The following ATP2C1 variants were observed in gnomAD, a reference collection of about 807,000 sequenced individuals.
ATP2C1 encodes the protein calcium-transporting ATPase type 2C member 1.
Under a neutral mutation model 120.5 loss-of-function variants are expected in ATP2C1, and 31 were observed. The observed-to-expected ratio is 0.26, with a 90% CI of 0.19 to 0.35. The LOEUF is 0.35. Among genes scored for constraint, ATP2C1 ranks in the 10% least tolerant of loss-of-function variants. ATP2C1 has a pLI of 1.00. For missense variants in ATP2C1, 731 were observed against 1,107.5 expected, an observed-to-expected ratio of 0.66 and a Z score of 4.83; for synonymous variants, 351 against 358.7, an observed-to-expected ratio of 0.98 and a Z score of 0.24.
chr3:130,951,479 T>C (rs1287176431), intron 8 of ATP2C1, among the ~76,000 whole-genome samples: 6 of 152,130 alleles, frequency 3.9e-5, no homozygotes, highest in Non-Finnish European at 4.4e-5. Context: ...AGCAATGAAA[T>C]GTCAGCTGAT....
Position 130,964,021 on chromosome 3 carries a change from C to T in ATP2C1, c.950C>T (p.Thr317Met), listed in dbSNP as rs1368094340. The T allele has an allele frequency of 5.0e-6, 8 of 1,612,730 alleles. No homozygotes were observed. Among genetic ancestry groups the T allele is most frequent in the East Asian group, 2.2e-5 (1 of 44,840 alleles). Reference protein sequence around the residue: ...PEGLPIVVTVTLALGVMRMVK... With the variant: ...PEGLPIVVTVMLALGVMRMVK... ...GGTCTCCCCATTGTGGTCACAGTGA[C>T]GCTAGCTCTTGGTGTTATGAGAATG... The change falls in exon 13 of 28, where the codon ACG (threonine) becomes ATG (methionine). Residue 317 changes from threonine to methionine, a missense_variant. By Grantham distance (81) the Thr-to-Met change is moderately conservative. Around this residue, in one of 3 missense-constraint regions of ATP2C1, gnomAD observed 571 missense variants for 845.9 expected, o/e 0.67. Transcript: ENST00000510168.
chr3:130,855,576 G>T (rs1011971613), intron 1 of ATP2C1, among the ~76,000 whole-genome samples: 1 of 152,076 alleles, frequency 6.6e-6, no homozygotes, highest in Non-Finnish European at 1.5e-5. Context: ...GCCCAAGCTC[G>T]CATGGCTCAT....
At chr3:130,927,143 G>A (rs2059246266) in intron 2 of ATP2C1, among the ~76,000 whole-genome samples, 1 of 152,108 alleles carries the variant, frequency 6.6e-6, no homozygotes. Flanking sequence ...TAAGTACTAT[G>A]TGAATCTGGT....
At chr3:131,014,067 T>A (rs767134461) in intron 26 of ATP2C1, 1 of 1,582,016 alleles carries the variant, frequency 6.3e-7, no homozygotes, top group East Asian at 2.2e-5. Context: ...TTATTCAATG[T>A]TGGAGGCCTC....
chr3:130,862,173 C>T (rs1249569014), intron 1 of ATP2C1, among the ~76,000 whole-genome samples: 4 of 149,562 alleles, frequency 2.7e-5, no homozygotes, highest in South Asian at 2.1e-4. Context: ...TTAGTAGAGA[C>T]GGAGTTTCAC....
intron 17 of ATP2C1, among the ~76,000 whole-genome samples, chr3:130,973,966 G>C (rs112141693): frequency 4.6e-5 from 7 of 152,284 alleles, no homozygotes; most frequent in African/African-American, 1.7e-4. Context: ...AATTCAGTGA[G>C]GATAGAGGTA....
chr3:130,934,720 A>C lies in ATP2C1; in HGVS notation c.324+9A>C. 1 of 1,562,200 alleles carries C rather than the reference A, an allele frequency of 6.4e-7. No homozygotes were observed. Among genetic ancestry groups the C allele is most frequent in the East Asian group, 2.2e-5 (1 of 44,624 alleles). ...CCGTCAGTATCACTGTGGTAAGAAA[A>C]AAATTACATATTTTTAATCTGTTGA... On this transcript the variant is annotated intron_variant, in intron 5 of 27. Coordinates refer to ENST00000510168, the MANE Select transcript of ATP2C1 (RefSeq NM_001378687.1).
chr3:130,953,805 C>T lies in ATP2C1; in HGVS notation c.532-16C>T, dbSNP rs972829999. 9 of 1,613,704 alleles carry T rather than the reference C, an allele frequency of 5.6e-6. No homozygotes were observed. The Admixed American group carries it at 1.3e-4, about 24-fold the overall frequency. On this transcript the variant is annotated splice_polypyrimidine_tract_variant and intron_variant, in intron 8 of 27. Coordinates refer to ENST00000510168, the MANE Select transcript of ATP2C1 (RefSeq NM_001378687.1). ...TAGCACAAAATTTGAATCTGGGATT[C>T]TTTATGTTCCCTAAGGCTGTGGATC...
intron 14 of ATP2C1, 94 bp downstream of exon 14, chr3:130,965,139 A>G (rs1397634687): frequency 6.1e-6 from 5 of 820,288 alleles, no homozygotes; most frequent in Admixed American, 5.7e-5. Context: ...CTTACCTTCA[A>G]AAGGGCTGTA....
chr3:130,967,952 A>C (rs2061127838), intron 16 of ATP2C1, among the ~76,000 whole-genome samples: 1 of 152,152 alleles, frequency 6.6e-6, no homozygotes, highest in Admixed American at 6.5e-5. Context: ...TTATCCCCTA[A>C]GTCCTATATT....
At position 130,865,880 on chromosome 3, in the gene ATP2C1, C is replaced by T. The variant is rs75774296; in HGVS notation, c.108+14952C>T. 8.1e-3 allele frequency among the ~76,000 whole-genome samples: 1,230 copies of T among 152,274 alleles called. 14 individuals are homozygous for T. The highest frequency in any genetic ancestry group is 0.028 in the African/African-American group (1,165 of 41,552). On this transcript the variant is annotated intron_variant, in intron 1 of 26. Coordinates refer to the ATP2C1 transcript ENST00000504381. The stretch of plus-strand genomic sequence containing the variant: ...CATAGTTTCTGAAACTTGTCTGATA[C>T]TCTAGATAAAGATCATCTTTATGTT...
chr3:130,943,035 A>T (rs2059990569), intron 8 of ATP2C1, among the ~76,000 whole-genome samples: 2 of 152,250 alleles, frequency 1.3e-5, no homozygotes, highest in Admixed American at 6.5e-5. Flanking sequence ...ATATAATGAT[A>T]GAAACTTCAA....
intron 12 of ATP2C1, among the ~76,000 whole-genome samples, chr3:130,961,027 A>G (rs2060794968): frequency 6.6e-6 from 1 of 152,186 alleles, no homozygotes; most frequent in East Asian, 1.9e-4. Context: ...ACAAGGAATC[A>G]GAATGAATAA....
intron 2 of ATP2C1, among the ~76,000 whole-genome samples, chr3:130,924,761 T>C (rs544457009): frequency 2.0e-5 from 3 of 152,086 alleles, no homozygotes; most frequent in South Asian, 2.1e-4. Flanking sequence ...GCTTTGTTTA[T>C]TTTTTTTAAA....
In ATP2C1 at chr3:130,980,822, AAGTCTTATCATTGAATT is replaced by A. The variant is rs1047852007; in HGVS notation, c.1839+158_1839+174del. 4.4e-6 allele frequency: 3 copies of A among 676,712 alleles called. No individual in the cohort carries two copies. The African/African-American group carries it at 5.4e-5, about 12-fold the overall frequency. 41.9% of individuals were successfully genotyped at this position (676,712 alleles called of 1,614,324 possible). A position where few individuals can be genotyped will look rare whatever the true frequency, so the allele number is the denominator to read the frequency against. On this transcript the variant is annotated intron_variant, in intron 20 of 27. Transcript: ENST00000510168. The stretch of plus-strand genomic sequence containing the variant: ...ATTTGTTGGTTCAAATCCTGAAATG[AAGTCTTATCATTGAATT>A]AGTCTTATCATTGATTATTTATGAT...
chr3:131,006,436 G>A (rs1026793401), downstream of ATP2C1, among the ~76,000 whole-genome samples: 4 of 151,982 alleles, frequency 2.6e-5, no homozygotes, highest in African/African-American at 4.8e-5. Context: ...AATTTTACTC[G>A]TAATTTTTTT....
intron 22 of ATP2C1, among the ~76,000 whole-genome samples, chr3:130,994,571 T>G (rs1021725323): frequency 2.0e-5 from 3 of 152,340 alleles, no homozygotes; most frequent in African/African-American, 7.2e-5. Context: ...AGCCACAGTT[T>G]CCAGTTGATT....
At chr3:130,998,240 T>C in intron 25 of ATP2C1, 54 bp from the exon 26 acceptor site, 1 of 1,164,658 alleles carries the variant, frequency 8.6e-7, no homozygotes, top group African/African-American at 1.5e-5. Context: ...AAAGCAGCGA[T>C]TTATCCATTA....
At chr3:131,016,679 ATAT>A in exon 27 of ATP2C1, 1 of 342,232 alleles carries the variant, frequency 2.9e-6, no homozygotes, top group Admixed American at 4.3e-5. Context: ...TGACTATTAA[ATAT>A]TATTCTCTTT....
Sources: allele counts gnomAD v4.1 joint callset (sites outside exome capture counted in the v4.1 genomes callset), GRCh38; gene constraint gnomAD v4.1.1; regional missense constraint gnomAD v4.1.1; transcripts MANE v1.5; gene names NCBI Gene and HGNC (gene_info 2026-07-23, HGNC 2026-07-21).